Variants in MARCHF8 observed in about 807,000 individuals in gnomAD.
MARCHF8 encodes membrane associated ring-CH-type finger 8, also known as E3 ubiquitin-protein ligase MARCHF8.
MARCHF8 carries 40 observed loss-of-function variants against 51.6 expected under a neutral mutation model. That is an observed-to-expected ratio of 0.77 (90% CI 0.60 to 1.01). The LOEUF is 1.01. MARCHF8 is among the 50% of genes least tolerant of loss of function. The pLI is 0.00. For synonymous variants in MARCHF8, 263 were observed against 280.3 expected (o/e 0.94, Z 0.62); for missense variants, 685 against 708.6 (o/e 0.97, Z 0.38).
At chr10:45,492,421 C>T (rs759724593) in intron 2 of MARCHF8, among the ~76,000 whole-genome samples, 2 of 152,152 alleles carry the variant, frequency 1.3e-5, no homozygotes, top group Non-Finnish European at 2.9e-5. Context: ...CCTCAGCCTC[C>T]CAAGTAGCTG....
intron 1 of MARCHF8, among the ~76,000 whole-genome samples, chr10:45,550,384 G>T (rs1589169692): frequency 6.6e-6 from 1 of 152,314 alleles, no homozygotes; most frequent in East Asian, 1.9e-4. Context: ...GACAGAGGAA[G>T]AAACTGTGGC....
chr10:45,569,064 C>CA (rs71023131), intron 1 of MARCHF8, among the ~76,000 whole-genome samples: 24,445 of 63,122 alleles, frequency 0.39, 3,418 homozygotes, highest in South Asian at 0.43. Context: ...GACTCCATCT[C>CA]AAAAAAAAAA....
At chr10:45,538,337 C>A (rs1289853374), upstream of MARCHF8, among the ~76,000 whole-genome samples, 1 of 152,184 alleles carries the variant, frequency 6.6e-6, no homozygotes, top group Non-Finnish European at 1.5e-5. Flanking sequence ...TGGAAAGGAA[C>A]AACTGGCACC....
chr10:45,476,123 C>T (rs554573720), intron 3 of MARCHF8, among the ~76,000 whole-genome samples: 8 of 152,256 alleles, frequency 5.3e-5, no homozygotes, highest in East Asian at 3.9e-4. Flanking sequence ...TTACACCAGA[C>T]GTGCAGAGAT....
chr10:45,566,132 C>T (rs987417453), intron 1 of MARCHF8, among the ~76,000 whole-genome samples: 4 of 152,054 alleles, frequency 2.6e-5, no homozygotes, highest in Non-Finnish European at 4.4e-5. Context: ...TGGAAAAGAA[C>T]CCTTTCTTAG....
rs187248216 is a variant in MARCHF8, at chr10:45,466,830, A to G, written c.154-2503T>C. ...ACAAGTAATCCAAGTCAAAAAGTGTACTCTGGGGTAACGATTCCATCCTTG... is the reference window on the plus strand; with the variant it reads ...ACAAGTAATCCAAGTCAAAAAGTGTGCTCTGGGGTAACGATTCCATCCTTG... On this transcript the variant is annotated intron_variant, in intron 3 of 7. Coordinates refer to ENST00000453424, the MANE Select transcript of MARCHF8 (RefSeq NM_001282866.2). 1.4e-3 allele frequency among the ~76,000 whole-genome samples: 206 copies of G among 152,212 alleles called. 1 individual carries two copies. Among genetic ancestry groups the G allele is most frequent in the African/African-American group, 4.5e-3 (186 of 41,532 alleles).
chr10:45,592,354 A>G (rs1465513090), intron 1 of MARCHF8, among the ~76,000 whole-genome samples: 1 of 152,228 alleles, frequency 6.6e-6, no homozygotes, highest in African/African-American at 2.4e-5. Context: ...ATTAGAAGCC[A>G]TAAGAATAAC....
At chr10:45,494,799 T>C (rs539060098) in intron 2 of MARCHF8, among the ~76,000 whole-genome samples, 3 of 152,320 alleles carry the variant, frequency 2.0e-5, no homozygotes, top group African/African-American at 4.8e-5. Flanking sequence ...CTGAAACTTT[T>C]TGGTCTCAGG....
intron 1 of MARCHF8, among the ~76,000 whole-genome samples, chr10:45,564,139 G>A (rs1178717329): frequency 6.6e-6 from 1 of 152,178 alleles, no homozygotes; most frequent in Non-Finnish European, 1.5e-5. Flanking sequence ...AGCCAGATGT[G>A]GTGGCAGGCA....
At chr10:45,529,384 G>A (rs748309917) in intron 2 of MARCHF8, among the ~76,000 whole-genome samples, 1 of 152,122 alleles carries the variant, frequency 6.6e-6, no homozygotes, top group Non-Finnish European at 1.5e-5. Context: ...AGAAAACCTA[G>A]GAAAAACTCT....
intron 1 of MARCHF8, among the ~76,000 whole-genome samples, chr10:45,589,909 A>G (rs1453989081): frequency 6.6e-6 from 1 of 152,162 alleles, no homozygotes; most frequent in African/African-American, 2.4e-5. Flanking sequence ...ATATGTTTTC[A>G]TTTCTCTTGG....
In MARCHF8 at chr10:45,463,339, C is replaced by T. The variant is rs1474069911; in HGVS notation, c.900G>A (p.Met300Ile). 6.4e-7 allele frequency: 1 copy of T among 1,550,788 alleles called. No homozygotes were observed. Among genetic ancestry groups the T allele is most frequent in the Non-Finnish European group, 8.7e-7 (1 of 1,147,072 alleles). The change falls in exon 5 of 8, where the codon ATG (methionine) becomes ATA (isoleucine). Residue 300 changes from methionine (M) to isoleucine (I), a missense_variant. Physicochemically the swap from Met to Ile is conservative, Grantham distance 10 (BLOSUM62 1). Transcript: ENST00000453424. The part of the protein sequence containing the change: ...AKSSSGLAGS[M>I]GFCSDEMGDD... ...CTCCCATCTCGTCAGAGCAGAAGCC[C>T]ATACTCCCTGCCAGCCCGCTGGAGG...
intron 3 of MARCHF8, among the ~76,000 whole-genome samples, chr10:45,472,320 C>T (rs10508895): frequency 0.062 from 9,435 of 152,278 alleles, 331 homozygotes; most frequent in Non-Finnish European, 0.067. Context: ...GATATGTTAA[C>T]TTAGAAGCTG....
Position 45,458,366 on chromosome 10 carries a change from A to C in MARCHF8, c.1595T>G (p.Phe532Cys). The change falls in exon 8 of 8, where the codon TTT becomes TGT. Residue 532 changes from phenylalanine to cysteine, a missense_variant. Phe to Cys is a radical substitution (Grantham distance 205, BLOSUM62 -2). Transcript: ENST00000453424. ...NCPETSKKNI[F>C]EKSPLTEPNF... Reference sequence around the variant, plus strand: ...GGGCTCTGTTAGTGGAGATTTTTCAAAAATATTCTTTTTGCTTGTTTCTGG... The same window carrying C: ...GGGCTCTGTTAGTGGAGATTTTTCACAAATATTCTTTTTGCTTGTTTCTGG... The C allele has an allele frequency of 6.2e-7, 1 of 1,614,192 alleles. No homozygotes were observed. The highest frequency in any genetic ancestry group is 8.5e-7 in the Non-Finnish European group (1 of 1,180,044).
At chr10:45,514,042 A>G (rs1364593902) in intron 2 of MARCHF8, among the ~76,000 whole-genome samples, 1 of 152,200 alleles carries the variant, frequency 6.6e-6, no homozygotes, top group Non-Finnish European at 1.5e-5. Context: ...AATAAAAAAG[A>G]TTTTTTTACA....
intron 1 of MARCHF8, among the ~76,000 whole-genome samples, chr10:45,542,861 T>A (rs1195433692): frequency 6.6e-6 from 1 of 152,194 alleles, no homozygotes; most frequent in Non-Finnish European, 1.5e-5. Flanking sequence ...TGGATCATTA[T>A]TTAAGATAAT....
intron 1 of MARCHF8, among the ~76,000 whole-genome samples, chr10:45,576,614 A>G (rs544926364): frequency 6.6e-6 from 1 of 151,972 alleles, no homozygotes; most frequent in African/African-American, 2.4e-5. Context: ...CGTGTCCCCA[A>G]AATTCTCATG....
In MARCHF8 at chr10:45,457,457, C is replaced by T. The variant is rs1398350323; in HGVS notation, c.*782G>A. The T allele has an allele frequency of 6.6e-6, 1 of 152,496 alleles. No homozygotes were observed. The highest frequency in any genetic ancestry group is 1.5e-5 in the Non-Finnish European group (1 of 68,032). 9.4% of individuals were successfully genotyped at this position (152,496 alleles called of 1,614,324 possible). ...AAAAAAAGCCTCTGGCCTGCTTGTC[C>T]TGTCTTAAAAGTCATGAGTCTGTTT... On this transcript the variant is annotated 3_prime_UTR_variant, in exon 8 of 8. Transcript: ENST00000453424.
At chr10:45,487,291 G>GT (rs1162206210) in intron 3 of MARCHF8, among the ~76,000 whole-genome samples, 1 of 151,948 alleles carries the variant, frequency 6.6e-6, no homozygotes, top group Non-Finnish European at 1.5e-5. Context: ...TTTGCAAACA[G>GT]TTTTTTTTAA....
Sources: allele counts gnomAD v4.1 joint callset (sites outside exome capture counted in the v4.1 genomes callset), GRCh38; gene constraint gnomAD v4.1.1; transcripts MANE v1.5; gene names NCBI Gene and HGNC (gene_info 2026-07-23, HGNC 2026-07-21).